Variants in TRMT10B observed in about 807,000 individuals in gnomAD.
TRMT10B encodes the protein tRNA methyltransferase 10 homolog B.
Under a neutral mutation model 43.8 loss-of-function variants are expected in TRMT10B, and 33 were observed. The observed-to-expected ratio is 0.75, with a 90% CI of 0.57 to 1.01. TRMT10B has a LOEUF of 1.01. TRMT10B is among the 50% of genes least tolerant of loss of function. The pLI is 0.00. For missense variants in TRMT10B, 362 were observed against 369.8 expected (o/e 0.98, Z 0.17); for synonymous variants, 137 against 130.6 (o/e 1.05, Z -0.34).
At chr9:37,774,159 G>A (rs754024098) in intron 7 of TRMT10B, among the ~76,000 whole-genome samples, 18 of 151,978 alleles carry the variant, frequency 1.2e-4, no homozygotes, top group Non-Finnish European at 2.4e-4. Context: ...ACAGGTGGGC[G>A]CTACCATGCC....
At chr9:37,758,404 C>T (rs1208808868) in intron 1 of TRMT10B, among the ~76,000 whole-genome samples, 3 of 151,990 alleles carry the variant, frequency 2.0e-5, no homozygotes, top group East Asian at 1.9e-4. Context: ...AGAGTGAGAC[C>T]CTGTCTGAAA....
intron 1 of TRMT10B, among the ~76,000 whole-genome samples, chr9:37,758,965 G>A (rs573138295): frequency 2.6e-5 from 4 of 152,260 alleles, no homozygotes; most frequent in African/African-American, 7.2e-5. Flanking sequence ...GGGAGGGAGT[G>A]GTGTAGCAAA....
chr9:37,763,997 C>G (rs775647993), intron 4 of TRMT10B: 12 of 516,134 alleles, frequency 2.3e-5, no homozygotes, highest in Non-Finnish European at 3.9e-5. Flanking sequence ...AGCCCAACAT[C>G]TTTGCCTCTC....
At chr9:37,763,971 C>A in intron 4 of TRMT10B, 1 of 748,620 alleles carries the variant, frequency 1.3e-6, no homozygotes, top group South Asian at 1.8e-5. Flanking sequence ...AAATTTTTAC[C>A]TTGTCTTCTG....
chr9:37,771,067 G>A (rs1284116726), intron 7 of TRMT10B, among the ~76,000 whole-genome samples: 1 of 152,154 alleles, frequency 6.6e-6, no homozygotes, highest in Non-Finnish European at 1.5e-5. Flanking sequence ...TGTTCTTTGA[G>A]GGAGTAGTTT....
At chr9:37,753,194 C>T (rs1309532583), upstream of TRMT10B, among the ~76,000 whole-genome samples, 9 of 152,184 alleles carry the variant, frequency 5.9e-5, no homozygotes, top group South Asian at 2.1e-4. Context: ...ACTCCAGACA[C>T]GCAGTCTTTA....
chr9:37,773,173 T>C (rs1827766554), intron 7 of TRMT10B, among the ~76,000 whole-genome samples: 1 of 152,206 alleles, frequency 6.6e-6, no homozygotes, highest in South Asian at 2.1e-4. Context: ...GGTGGTGCGA[T>C]CATAGCTCGC....
chr9:37,775,684 C>T (rs921713101), intron 7 of TRMT10B, among the ~76,000 whole-genome samples: 2 of 152,158 alleles, frequency 1.3e-5, no homozygotes, highest in Non-Finnish European at 2.9e-5. Context: ...CAGGCACACA[C>T]CAGCACACCC....
Position 37,763,900 on chromosome 9 carries a change from G to A in TRMT10B, c.420+147G>A, listed in dbSNP as rs1400205064. The A allele has an allele frequency of 2.0e-6, 3 of 1,499,536 alleles. No individual in the cohort carries two copies. The Admixed American group carries it at 6.5e-5, about 33-fold the overall frequency. The allele number at this position is 1,499,536 out of a possible 1,614,324, so 92.9% of individuals were successfully genotyped here. On this transcript the variant is annotated intron_variant, in intron 4 of 8. Transcript: ENST00000297994. ...TTGATTTTCTATACTGGGTTACTAA[G>A]TTCCAAGGTGGCTGTTGTAACGAAC...
rs1387189802 is a variant in TRMT10B, at chr9:37,778,674, C to T, written c.*967C>T. 1 of 152,190 alleles carries T rather than the reference C, an allele frequency of 6.6e-6. No individual in the cohort carries two copies. Among genetic ancestry groups the T allele is most frequent in the Non-Finnish European group, 1.5e-5 (1 of 68,048 alleles). 9.4% of individuals were successfully genotyped at this position (152,190 alleles called of 1,614,324 possible). Reference sequence around the variant, plus strand: ...AAACTGGCATCATAAAATTGTATGACTTTCTCCAGCCTTGTCTGATCATGC... The same window carrying T: ...AAACTGGCATCATAAAATTGTATGATTTTCTCCAGCCTTGTCTGATCATGC... On this transcript the variant is annotated 3_prime_UTR_variant, in exon 9 of 9. Transcript: ENST00000297994.
chr9:37,762,409 C>G (rs1371400916), intron 2 of TRMT10B, 168 bp from the exon 3 acceptor site: 1 of 1,049,770 alleles, frequency 9.5e-7, no homozygotes, highest in East Asian at 2.7e-5. Flanking sequence ...TTCTGGGGCT[C>G]TGTTTTCTCT....
chr9:37,753,105 A>C (rs1661710243), upstream of TRMT10B, among the ~76,000 whole-genome samples: 1 of 152,096 alleles, frequency 6.6e-6, no homozygotes, highest in South Asian at 2.1e-4. Flanking sequence ...TGCCCTCTTA[A>C]GAGATTTAAC....
At chr9:37,762,997 C>T (rs1345824582) in intron 3 of TRMT10B, among the ~76,000 whole-genome samples, 2 of 145,540 alleles carry the variant, frequency 1.4e-5, no homozygotes, top group South Asian at 2.2e-4. Context: ...AAAAAAAAGC[C>T]GGGTGTGGTG....
At chr9:37,756,780 G>GTA (rs1825747267) in intron 1 of TRMT10B, among the ~76,000 whole-genome samples, 1 of 149,836 alleles carries the variant, frequency 6.7e-6, no homozygotes, top group African/African-American at 2.4e-5. Context: ...ATATACATAT[G>GTA]TGTATACATA....
chr9:37,760,734 GTTTTT>G (rs200640852), intron 1 of TRMT10B, among the ~76,000 whole-genome samples: 35 of 151,424 alleles, frequency 2.3e-4, no homozygotes, highest in Non-Finnish European at 4.4e-4. Flanking sequence ...TTTCATTGTA[GTTTTT>G]TTTTAACACC....
At chr9:37,752,961 GTTGC>G (rs947328244), upstream of TRMT10B, among the ~76,000 whole-genome samples, 1 of 152,148 alleles carries the variant, frequency 6.6e-6, no homozygotes, top group Non-Finnish European at 1.5e-5. Flanking sequence ...AATAAATCTT[GTTGC>G]TTGCTAACCC....
intron 7 of TRMT10B, among the ~76,000 whole-genome samples, chr9:37,773,790 C>T (rs1190325355): frequency 3.3e-5 from 5 of 151,992 alleles, no homozygotes; most frequent in Non-Finnish European, 7.4e-5. Flanking sequence ...GCCGAAATCA[C>T]ACCACTGTAG....
chr9:37,765,519 C>T (rs1009317511), intron 4 of TRMT10B, among the ~76,000 whole-genome samples: 2 of 152,064 alleles, frequency 1.3e-5, no homozygotes, highest in Admixed American at 6.5e-5. Flanking sequence ...CATGTCTTTG[C>T]TATTGTGAAT....
At chr9:37,756,322 C>T (rs1178919165) in intron 1 of TRMT10B, among the ~76,000 whole-genome samples, 1 of 151,850 alleles carries the variant, frequency 6.6e-6, no homozygotes, top group East Asian at 1.9e-4. Context: ...TGCCTATATG[C>T]AGGAAAATGC....
Sources: allele counts gnomAD v4.1 joint callset (sites outside exome capture counted in the v4.1 genomes callset), GRCh38; gene constraint gnomAD v4.1.1; transcripts MANE v1.5; gene names NCBI Gene and HGNC (gene_info 2026-07-23, HGNC 2026-07-21).